The following CRY2 variants were observed in gnomAD, a reference collection of about 807,000 sequenced individuals.
The protein encoded by CRY2 is cryptochrome circadian regulator 2.
Under a neutral mutation model 69.5 loss-of-function variants are expected in CRY2, and 31 were observed. The observed-to-expected ratio is 0.45, with a 90% CI of 0.34 to 0.60. The LOEUF (loss-of-function observed/expected upper bound fraction) is 0.60, where lower values mean the gene tolerates loss of function less well. Ranked by LOEUF, CRY2 falls within the 20% of genes least tolerant of loss-of-function variation. The probability of loss-of-function intolerance (pLI) is 0.02; values close to 1 mark genes in which losing one functional copy is unlikely to be tolerated. For synonymous variants in CRY2, 303 were observed against 312.2 expected, an observed-to-expected ratio of 0.97 and a Z score of 0.31; for missense variants, 606 against 797.8, an observed-to-expected ratio of 0.76 and a Z score of 2.90.
intron 11 of CRY2, among the ~76,000 whole-genome samples, chr11:45,872,893 C>T (rs940521046): frequency 5.9e-5 from 9 of 152,202 alleles, no homozygotes; most frequent in African/African-American, 1.9e-4. Flanking sequence ...ATAGGCCAGC[C>T]AGTGGAGGGC....
At chr11:45,867,478 C>A in intron 5 of CRY2, 134 bp from the exon 6 acceptor site, 1 of 1,162,956 alleles carries the variant, frequency 8.6e-7, no homozygotes, top group Non-Finnish European at 1.2e-6. Context: ...ATCGGCTGGA[C>A]AAGCACAGTG....
In CRY2 at chr11:45,869,644, C is replaced by T. The variant is rs769872273; in HGVS notation, c.1021C>T (p.Arg341Cys). The change falls in exon 7 of 12, where the codon CGC (arginine) becomes TGC (cysteine). Residue 341 changes from arginine to cysteine, a missense_variant. By Grantham distance (180) the Arg-to-Cys change is radical (BLOSUM62 -3). Coordinates refer to ENST00000616080, the MANE Select transcript of CRY2 (RefSeq NM_021117.5). ...CATCTGCATCCAGATCCCCTGGGAC[C>T]GCAATCCTGAGGCCCTGGCCAAGTG... ...NPICIQIPWDRNPEALAKWAE... is the reference protein window; with the variant it reads ...NPICIQIPWDCNPEALAKWAE... 23 of 1,614,154 alleles carry T rather than the reference C, an allele frequency of 1.4e-5. No individual in the cohort carries two copies. Among genetic ancestry groups the T allele is most frequent in the African/African-American group, 4.0e-5 (3 of 74,952 alleles).
At chr11:45,870,821 T>G (rs764585720) in intron 9 of CRY2, 21 bp from the exon 10 acceptor site, 2 of 1,598,264 alleles carry the variant, frequency 1.3e-6, no homozygotes, top group South Asian at 2.2e-5. Context: ...GCACTCTGAT[T>G]ACTCCTCGCC....
In CRY2 at chr11:45,872,345, G is replaced by A. The variant is rs567326503; in HGVS notation, c.*2+112G>A. The A allele has an allele frequency of 4.0e-6, 4 of 997,842 alleles. No homozygotes were observed. The Admixed American group carries it at 6.4e-5, about 16-fold the overall frequency. 61.8% of individuals were successfully genotyped at this position (997,842 alleles called of 1,614,324 possible). A position where few individuals can be genotyped will look rare whatever the true frequency, so the allele number is the denominator to read the frequency against. ...AGCAAACTAGATGAAAATCTGGTGG[G>A]ACCACCCAATGCTCAGCCACTAAAG... On this transcript the variant is annotated intron_variant, in intron 11 of 11. Transcript: ENST00000616080.
At chr11:45,857,635 T>C (rs956157864) in intron 2 of CRY2, among the ~76,000 whole-genome samples, 1 of 152,222 alleles carries the variant, frequency 6.6e-6, no homozygotes, top group Non-Finnish European at 1.5e-5. Context: ...AAGTGTATCA[T>C]TGTCATATAA....
intron 3 of CRY2, among the ~76,000 whole-genome samples, chr11:45,860,148 A>G (rs187722179): frequency 8.5e-5 from 13 of 152,198 alleles, no homozygotes; most frequent in East Asian, 7.7e-4. Context: ...TCGCCCTCTG[A>G]TACTCCTTCC....
chr11:45,856,051 C>T lies in CRY2; in HGVS notation c.285C>T (p.Val95=), dbSNP rs2086236278. ...LRKLNSRLFV[V]RGQPADVFPR... is the part of the protein sequence containing the mutation. ...AACTGAACTCCCGCCTGTTTGTAGTCCGGGGACAGCCAGCCGACGTGTTCC... is the reference window on the plus strand; with the variant it reads ...AACTGAACTCCCGCCTGTTTGTAGTTCGGGGACAGCCAGCCGACGTGTTCC... Residue 95 remains valine, a synonymous_variant, in exon 2 of 12, where the codon GTC becomes GTT. Transcript: ENST00000616080. The T allele has an allele frequency of 1.2e-6, 2 of 1,614,034 alleles. No individual in the cohort carries two copies. Among genetic ancestry groups the T allele is most frequent in the Non-Finnish European group, 1.7e-6 (2 of 1,180,038 alleles).
chr11:45,849,382 G>A (rs1291939339), intron 1 of CRY2, among the ~76,000 whole-genome samples: 1 of 152,156 alleles, frequency 6.6e-6, no homozygotes, highest in Non-Finnish European at 1.5e-5. Flanking sequence ...CCTAATATCT[G>A]CCAGGTACTG....
At chr11:45,849,167 G>T (rs1191924658) in intron 1 of CRY2, among the ~76,000 whole-genome samples, 2 of 152,192 alleles carry the variant, frequency 1.3e-5, no homozygotes, top group East Asian at 1.9e-4. Flanking sequence ...TGATAGGGAA[G>T]ATTAAAAATC....
At position 45,870,954 on chromosome 11, in the gene CRY2, C is replaced by T. The variant is rs1200093511; in HGVS notation, c.1642+20C>T. 10 of 1,562,402 alleles carry T rather than the reference C, an allele frequency of 6.4e-6. No individual in the cohort carries two copies. The South Asian group carries it at 9.0e-5, about 14-fold the overall frequency. On this transcript the variant is annotated intron_variant, in intron 10 of 11. Transcript: ENST00000616080. ...GTGCAGGTGAGCAGCAGCAACCAAC[C>T]TCCTGTGGCCTCCTGTGGCCTGTGC...
chr11:45,862,161 T>A lies in CRY2; in HGVS notation c.741+13T>A. 1 of 1,610,750 alleles carries A rather than the reference T, an allele frequency of 6.2e-7. No individual in the cohort carries two copies. Among genetic ancestry groups the A allele is most frequent in the Non-Finnish European group, 8.5e-7 (1 of 1,178,440 alleles). ...CTTGGAACGGAAGGTATGGGCCGTTTCTGAGACACAGAGCTGCAGATACTG... is the reference window on the plus strand; with the variant it reads ...CTTGGAACGGAAGGTATGGGCCGTTACTGAGACACAGAGCTGCAGATACTG... On this transcript the variant is annotated intron_variant, in intron 5 of 11. Coordinates refer to ENST00000616080, the MANE Select transcript of CRY2 (RefSeq NM_021117.5).
chr11:45,869,428 T>C, intron 6 of CRY2, 78 bp from the exon 7 acceptor site: 1 of 1,467,770 alleles, frequency 6.8e-7, no homozygotes, highest in Non-Finnish European at 9.2e-7. Context: ...CCCAGATTCC[T>C]TTGTAGAAGA....
upstream of CRY2, chr11:45,847,283 T>C (rs773558308): frequency 1.3e-6 from 2 of 1,527,644 alleles, no homozygotes; most frequent in Non-Finnish European, 1.8e-6. Flanking sequence ...CCACACATGG[T>C]AGGAACGTGA....
At chr11:45,847,192 C>T (rs2086154995), upstream of CRY2, 4 of 1,549,944 alleles carry the variant, frequency 2.6e-6, no homozygotes, top group South Asian at 3.6e-5. Flanking sequence ...GGCCTACTCC[C>T]GGCACTCCGC....
chr11:45,871,577 C>G (rs1394544804), intron 10 of CRY2, among the ~76,000 whole-genome samples: 3 of 152,206 alleles, frequency 2.0e-5, no homozygotes, highest in African/African-American at 4.8e-5. Context: ...GGAGGCAGCA[C>G]AGACAGGGTG....
Position 45,872,147 on chromosome 11 carries a change from C to T in CRY2, c.1698C>T (p.Ala566=), listed in dbSNP as rs1312364507. ...CCCCCAAACGCAAGCTGGAAGCAGC[C>T]GAGGAACCACCTGGTGAAGAACTCA... ...PASPKRKLEA[A]EEPPGEELSK... is the part of the protein sequence containing the mutation. The change falls in exon 11 of 12, where the codon GCC becomes GCT. Residue 566 remains alanine, a synonymous_variant. Transcript: ENST00000616080. 1.3e-5 allele frequency: 21 copies of T among 1,613,998 alleles called. No individual in the cohort carries two copies. The highest frequency in any genetic ancestry group is 6.7e-5 in the East Asian group (3 of 44,882).
intron 6 of CRY2, among the ~76,000 whole-genome samples, chr11:45,868,740 C>G (rs1295889748): frequency 6.6e-6 from 1 of 152,150 alleles, no homozygotes; most frequent in Non-Finnish European, 1.5e-5. Flanking sequence ...CTCAGGTGAT[C>G]CTCCTATCTC....
At chr11:45,861,421 T>G (rs1404643638) in intron 4 of CRY2, 1 of 179,610 alleles carries the variant, frequency 5.6e-6, no homozygotes, top group Non-Finnish European at 1.2e-5. Context: ...ACTACACTCT[T>G]TCACCCCTCC....
At chr11:45,858,474 A>G (rs1590763764) in intron 2 of CRY2, 1 of 425,926 alleles carries the variant, frequency 2.3e-6, no homozygotes, top group Non-Finnish European at 4.2e-6. Context: ...GGACACAGCA[A>G]GTGCACAAGG....
Sources: allele counts gnomAD v4.1 joint callset (sites outside exome capture counted in the v4.1 genomes callset), GRCh38; gene constraint gnomAD v4.1.1; transcripts MANE v1.5; gene names NCBI Gene and HGNC (gene_info 2026-07-23, HGNC 2026-07-21).